TMEM132C: variants seen among roughly 807,000 people sequenced by gnomAD.
TMEM132C encodes protein phosphatase 1, regulatory subunit 152.
A neutral mutation model predicts 61.4 loss-of-function variants in TMEM132C; 29 were observed. The ratio of observed to expected loss-of-function variants is 0.47; its 90% confidence interval spans 0.35 to 0.64. The LOEUF (loss-of-function observed/expected upper bound fraction) is 0.64. TMEM132C is among the 30% of genes least tolerant of loss of function. TMEM132C has a pLI of 0.00. For missense variants in TMEM132C, 1,408 were observed against 1,476.9 expected (o/e 0.95, Z 0.76); for synonymous variants, 656 against 633.1 (o/e 1.04, Z -0.54).
chr12:128,636,068 T>C (rs1398361858), intron 4 of TMEM132C, among the ~76,000 whole-genome samples: 18 of 152,140 alleles, frequency 1.2e-4, no homozygotes, highest in Admixed American at 9.8e-4. Flanking sequence ...ATATTTTTTT[T>C]GAGACAGGGT....
In TMEM132C at chr12:128,362,235, G is replaced by A. The variant is rs191462032; in HGVS notation, c.86-52497G>A. On this transcript the variant is annotated intron_variant, in intron 1 of 8. Coordinates refer to ENST00000435159, the MANE Select transcript of TMEM132C (RefSeq NM_001136103.3). ...ACCTCACAATAGACAGTGAGCAAACGGTGCTGGAAACTCCAAGCAGGAGAG... is the reference window on the plus strand; with the variant it reads ...ACCTCACAATAGACAGTGAGCAAACAGTGCTGGAAACTCCAAGCAGGAGAG... Among the ~76,000 whole-genome samples the A allele has an allele frequency of 1.8e-3, 276 of 152,094 alleles. 1 individual carries two copies. Among genetic ancestry groups the A allele is most frequent in the Non-Finnish European group, 2.8e-3 (192 of 67,998 alleles).
chr12:128,554,669 C>T (rs1375524738), intron 3 of TMEM132C, among the ~76,000 whole-genome samples: 1 of 152,204 alleles, frequency 6.6e-6, no homozygotes, highest in Non-Finnish European at 1.5e-5. Context: ...GACTGTGCCT[C>T]TTTTGGAGGG....
chr12:128,683,075 C>A (rs1954648045), intron 5 of TMEM132C, among the ~76,000 whole-genome samples: 2 of 152,180 alleles, frequency 1.3e-5, no homozygotes, highest in African/African-American at 4.8e-5. Context: ...TGACCTGGGG[C>A]AGGAGCTGCG....
chr12:128,648,611 A>G (rs1466967002), intron 4 of TMEM132C, among the ~76,000 whole-genome samples: 2 of 148,564 alleles, frequency 1.3e-5, no homozygotes, highest in African/African-American at 2.5e-5. Flanking sequence ...AGCTCAGTCC[A>G]TCAGCGTTGG....
rs550343053 is a variant in TMEM132C at position 128,489,316 on chromosome 12, G to T, written c.975-54641G>T. Reference sequence around the variant, plus strand: ...TCTAACTCACCTTGACTTTCTTCTTGCCCACCATGCTCATGTTAGAGGAAG... The same window carrying T: ...TCTAACTCACCTTGACTTTCTTCTTTCCCACCATGCTCATGTTAGAGGAAG... On this transcript the variant is annotated intron_variant, in intron 2 of 8. Transcript: ENST00000435159. 6.3e-3 allele frequency among the ~76,000 whole-genome samples: 956 copies of T among 151,628 alleles called. 5 individuals are homozygous for T. The highest frequency in any genetic ancestry group is 0.019 in the African/African-American group (779 of 41,304).
intron 1 of TMEM132C, among the ~76,000 whole-genome samples, chr12:128,277,320 A>G (rs538179244): frequency 4.9e-4 from 74 of 152,204 alleles, no homozygotes; most frequent in African/African-American, 1.6e-3. Context: ...GTTTCTCCCA[A>G]TCTCTTGGCT....
At chr12:128,612,770 A>G (rs894788554) in intron 3 of TMEM132C, among the ~76,000 whole-genome samples, 1 of 152,242 alleles carries the variant, frequency 6.6e-6, no homozygotes, top group African/African-American at 2.4e-5. Flanking sequence ...CACTGCTCAC[A>G]AAAATCACAT....
intron 4 of TMEM132C, among the ~76,000 whole-genome samples, chr12:128,665,370 C>T (rs1262657551): frequency 6.9e-6 from 1 of 144,412 alleles, no homozygotes; most frequent in African/African-American, 2.8e-5. Context: ...TACACAAACA[C>T]AGGTGCACAC....
chr12:128,276,943 A>G (rs1376763860), intron 1 of TMEM132C, among the ~76,000 whole-genome samples: 1 of 150,704 alleles, frequency 6.6e-6, no homozygotes, highest in Admixed American at 6.6e-5. Flanking sequence ...TGGTCTTATC[A>G]TTGAGTTACA....
Position 128,414,823 on chromosome 12 carries a change from G to T in TMEM132C, c.177G>T (p.Glu59Asp), listed in dbSNP as rs371034880. The change falls in exon 2 of 9, where the codon GAG (glutamate) becomes GAT (aspartate). Residue 59 changes from glutamate (E) to aspartate (D), a missense_variant. Glu to Asp is a conservative substitution (Grantham distance 45). Coordinates refer to ENST00000435159, the MANE Select transcript of TMEM132C (RefSeq NM_001136103.3). Reference protein sequence around the residue: ...LPVSYHILRAETSFFLKEANQ... With the variant: ...LPVSYHILRADTSFFLKEANQ... ...TGAGCTACCACATCCTCAGAGCAGA[G>T]ACCTCCTTCTTCCTCAAGGAAGCCA... The T allele has an allele frequency of 1.5e-4, 230 of 1,545,910 alleles. 2 individuals are homozygous for T. The highest frequency in any genetic ancestry group is 6.7e-4 in the Middle Eastern group (4 of 6,014).
intron 4 of TMEM132C, among the ~76,000 whole-genome samples, chr12:128,625,537 G>T (rs186925979): frequency 6.6e-6 from 1 of 152,214 alleles, no homozygotes; most frequent in Admixed American, 6.5e-5. Flanking sequence ...GCAAGGAGGA[G>T]CAAGTCACAT....
chr12:128,346,686 T>C (rs1206271684), intron 1 of TMEM132C, among the ~76,000 whole-genome samples: 2 of 152,218 alleles, frequency 1.3e-5, no homozygotes, highest in South Asian at 4.1e-4. Context: ...AGGTTCCTGA[T>C]TTGGCTCTTG....
chr12:128,319,825 C>CAAAA (rs373273389), intron 1 of TMEM132C, among the ~76,000 whole-genome samples: 3 of 127,730 alleles, frequency 2.3e-5, no homozygotes, highest in African/African-American at 5.6e-5. Flanking sequence ...GACTCCATCT[C>CAAAA]AAAAAAAAAA....
intron 2 of TMEM132C, among the ~76,000 whole-genome samples, chr12:128,440,499 C>A (rs1241897467): frequency 1.3e-5 from 2 of 152,226 alleles, no homozygotes; most frequent in African/African-American, 4.8e-5. Context: ...CTGAATGAGA[C>A]CTTGCAGCTG....
chr12:128,702,175 C>T (rs1054113539), intron 8 of TMEM132C, among the ~76,000 whole-genome samples: 3 of 152,142 alleles, frequency 2.0e-5, no homozygotes, highest in Non-Finnish European at 4.4e-5. Flanking sequence ...GCTGGGATTA[C>T]AGGCATAAGC....
At chr12:128,388,746 C>A (rs930652030) in intron 1 of TMEM132C, among the ~76,000 whole-genome samples, 1 of 152,222 alleles carries the variant, frequency 6.6e-6, no homozygotes. Context: ...GTGCAGCTGA[C>A]GCCGGCTGGC....
Position 128,308,315 on chromosome 12 carries a change from T to C in TMEM132C, c.85+40828T>C, listed in dbSNP as rs73432745. ...AGGTTTTTAAAATTATTATTATTTG[T>C]TACTGAATCTTATCAAACATATCAC... On this transcript the variant is annotated intron_variant, in intron 1 of 8. Transcript: ENST00000435159. 2.9e-3 allele frequency among the ~76,000 whole-genome samples: 442 copies of C among 152,160 alleles called. 3 individuals carry two copies. Among genetic ancestry groups the C allele is most frequent in the African/African-American group, 0.01 (417 of 41,528 alleles).
chr12:128,462,236 GC>G (rs1870556241), intron 2 of TMEM132C, among the ~76,000 whole-genome samples: 1 of 152,214 alleles, frequency 6.6e-6, no homozygotes, highest in Admixed American at 6.5e-5. Flanking sequence ...CCTCCTAGTA[GC>G]TAGGATTGCA....
rs187486271 is a variant in TMEM132C at position 128,666,867 on chromosome 12, G to A, written c.1306-2550G>A. On this transcript the variant is annotated intron_variant, in intron 4 of 8. Coordinates refer to ENST00000435159, the MANE Select transcript of TMEM132C (RefSeq NM_001136103.3). ...AGGTGGATCACGAGGTCAGGAGATC[G>A]AGACCATCCTGGCTAACACGGTGAA... is the stretch of plus-strand genomic sequence containing the variant. Among the ~76,000 whole-genome samples, 1,001 of 152,298 alleles carry A rather than the reference G, an allele frequency of 6.6e-3. 9 individuals carry two copies. Among genetic ancestry groups the A allele is most frequent in the Non-Finnish European group, 0.01 (713 of 68,026 alleles).
Sources: gnomAD v4.1 joint callset for allele counts (sites outside exome capture counted in the v4.1 genomes callset) on GRCh38, gnomAD v4.1.1 for gene constraint, MANE v1.5 for transcripts, NCBI Gene and HGNC (gene_info 2026-07-23, HGNC 2026-07-21) for gene names.